PUM2: variants seen among roughly 807,000 people sequenced by gnomAD.
The protein encoded by PUM2 is pumilio RNA binding family member 2.
Under a neutral mutation model 124.5 loss-of-function variants are expected in PUM2, and 57 were observed. That is an observed-to-expected ratio of 0.46 (90% CI 0.37 to 0.57). The LOEUF (loss-of-function observed/expected upper bound fraction) is 0.57. PUM2 is among the 20% of genes least tolerant of loss of function. The pLI, the probability that PUM2 is intolerant of heterozygous loss-of-function variation, is 0.00. For missense variants in PUM2, 1,065 were observed against 1,290.6 expected, an observed-to-expected ratio of 0.83 and a Z score of 2.68; for synonymous variants, 460 against 446.1, an observed-to-expected ratio of 1.03 and a Z score of -0.39.
At chr2:20,319,999 G>A (rs1222324744) in intron 2 of PUM2, among the ~76,000 whole-genome samples, 2 of 152,164 alleles carry the variant, frequency 1.3e-5, no homozygotes, top group Admixed American at 6.5e-5. Context: ...CAGGAGAGGT[G>A]GCTCACACCT....
At chr2:20,307,695 T>G (rs1035917291) in intron 7 of PUM2, among the ~76,000 whole-genome samples, 1 of 152,190 alleles carries the variant, frequency 6.6e-6, no homozygotes, top group Non-Finnish European at 1.5e-5. Context: ...ACAAGTAAAT[T>G]TGAATTTCCA....
intron 7 of PUM2, among the ~76,000 whole-genome samples, chr2:20,306,431 C>G (rs761389953): frequency 6.6e-6 from 1 of 151,814 alleles, no homozygotes; most frequent in African/African-American, 2.4e-5. Context: ...TATAAAGCCT[C>G]GAGAAATAAA....
chr2:20,297,048 T>C (rs777773909), intron 8 of PUM2, among the ~76,000 whole-genome samples: 1 of 152,184 alleles, frequency 6.6e-6, no homozygotes, highest in Non-Finnish European at 1.5e-5. Context: ...GGGCAGTTTT[T>C]AGTACGTTCT....
At chr2:20,332,608 TG>T (rs1378384394) in intron 1 of PUM2, among the ~76,000 whole-genome samples, 1 of 152,178 alleles carries the variant, frequency 6.6e-6, no homozygotes, top group African/African-American at 2.4e-5. Flanking sequence ...GGGAGACAGT[TG>T]CCCATATGCT....
intron 1 of PUM2, among the ~76,000 whole-genome samples, chr2:20,342,091 T>C (rs1312880777): frequency 2.9e-5 from 4 of 137,786 alleles, no homozygotes; most frequent in African/African-American, 5.5e-5. Context: ...ATTGCGCCAC[T>C]ACACTCCAGC....
intron 7 of PUM2, among the ~76,000 whole-genome samples, chr2:20,300,376 C>A (rs749275872): frequency 1.8e-4 from 27 of 152,084 alleles, no homozygotes; most frequent in Non-Finnish European, 3.8e-4. Flanking sequence ...TGTGAACTCC[C>A]GACCTCAGGT....
At chr2:20,348,709 C>T (rs1244497526) in intron 1 of PUM2, among the ~76,000 whole-genome samples, 5 of 152,072 alleles carry the variant, frequency 3.3e-5, no homozygotes, top group African/African-American at 4.8e-5. Flanking sequence ...GCGGGAGGAT[C>T]GCTTGAGATC....
At chr2:20,331,986 T>C (rs1685019443) in intron 1 of PUM2, 3 of 152,342 alleles carry the variant, frequency 2.0e-5, no homozygotes, top group Admixed American at 6.5e-5. Context: ...CCAATAAAAC[T>C]TGATAAACTG....
At chr2:20,261,713 G>GC (rs1196226898) in intron 14 of PUM2, among the ~76,000 whole-genome samples, 1 of 152,090 alleles carries the variant, frequency 6.6e-6, no homozygotes, top group Non-Finnish European at 1.5e-5. Context: ...GCTAATGTGT[G>GC]CATTTGTGTC....
intron 9 of PUM2, among the ~76,000 whole-genome samples, chr2:20,294,095 C>T (rs1320725665): frequency 6.6e-6 from 1 of 152,150 alleles, no homozygotes; most frequent in African/African-American, 2.4e-5. Context: ...ATTATTAACA[C>T]ACTAACATGA....
intron 13 of PUM2, among the ~76,000 whole-genome samples, chr2:20,268,561 T>C (rs771093546): frequency 1.3e-5 from 2 of 152,104 alleles, no homozygotes; most frequent in Non-Finnish European, 2.9e-5. Context: ...AAGGTTACAG[T>C]GAGCAGAGAC....
At chr2:20,344,949 C>T (rs1687931247) in intron 1 of PUM2, among the ~76,000 whole-genome samples, 1 of 142,340 alleles carries the variant, frequency 7.0e-6, no homozygotes, top group African/African-American at 2.7e-5. Context: ...TGCCACTGCA[C>T]TCCAGCCAGA....
At chr2:20,258,073 T>G (rs979852592) in intron 16 of PUM2, among the ~76,000 whole-genome samples, 170 bp downstream of exon 16, 3 of 152,224 alleles carry the variant, frequency 2.0e-5, no homozygotes, top group Non-Finnish European at 2.9e-5. Context: ...ATTATCTACT[T>G]TGTGACTTCT....
At chr2:20,302,994 G>A (rs987072602) in intron 7 of PUM2, among the ~76,000 whole-genome samples, 1 of 152,162 alleles carries the variant, frequency 6.6e-6, no homozygotes, top group African/African-American at 2.4e-5. Context: ...TGAAGAGATA[G>A]CTGTGCATGC....
rs145036518 is a variant in PUM2, at chr2:20,250,329, A to T, written c.*1256T>A. The T allele has an allele frequency of 7.5e-4, 114 of 152,666 alleles. No homozygotes were observed. Among genetic ancestry groups the T allele is most frequent in the Non-Finnish European group, 1.4e-3 (95 of 68,006 alleles). The allele number at this position is 152,666 out of a possible 1,614,324, so 9.5% of individuals were successfully genotyped here. ...AAAATCACTCTCGATTTGGAGAAAT[A>T]AATTTACATTATACAACACTATATT... On this transcript the variant is annotated 3_prime_UTR_variant, in exon 21 of 21. Transcript: ENST00000361078.
At chr2:20,254,735 G>A (rs1690681938) in intron 19 of PUM2, 128 bp downstream of exon 19, 1 of 980,676 alleles carries the variant, frequency 1.0e-6, no homozygotes, top group South Asian at 1.9e-5. Context: ...TTCTATAGGT[G>A]CATTTTAATG....
At position 20,328,320 on chromosome 2, in the gene PUM2, ACT is replaced by A. The variant is rs151307637; in HGVS notation, c.-18-944_-18-943del. ...ACTCCAGCCTGGGCATCGCAGAGAG[ACT>A]CTGTCTCAAAACAAACAAACAAAAA... On this transcript the variant is annotated intron_variant, in intron 1 of 20. Coordinates refer to ENST00000361078, the MANE Select transcript of PUM2 (RefSeq NM_015317.5). 5.3e-3 allele frequency among the ~76,000 whole-genome samples: 809 copies of A among 152,204 alleles called. 14 individuals carry two copies. The highest frequency in any genetic ancestry group is 0.018 in the African/African-American group (766 of 41,506).
chr2:20,280,946 T>C (rs1012897559), intron 12 of PUM2, among the ~76,000 whole-genome samples: 1 of 152,206 alleles, frequency 6.6e-6, no homozygotes, highest in East Asian at 1.9e-4. Context: ...TATTTAACAC[T>C]GTTAAACATT....
rs754320512 is a variant in PUM2 at position 20,327,326 on chromosome 2, G to A, written c.35C>T (p.Ser12Phe). ...AACATTTACCTCTCCCATTCCCCGAGATTCTAATGCAAGAGCTTGAAAATC... is the reference window on the plus strand; with the variant it reads ...AACATTTACCTCTCCCATTCCCCGAAATTCTAATGCAAGAGCTTGAAAATC... Reference protein sequence around the residue: ...NHDFQALALESRGMGELLPTK... With the variant: ...NHDFQALALEFRGMGELLPTK... The change falls in exon 2 of 21, where the codon TCT (serine) becomes TTT (phenylalanine). Residue 12 changes from serine to phenylalanine, a missense_variant. Ser to Phe is a radical substitution (Grantham distance 155). Transcript: ENST00000361078. 2 of 1,574,646 alleles carry A rather than the reference G, an allele frequency of 1.3e-6. No homozygotes were observed. The highest frequency in any genetic ancestry group is 1.7e-6 in the Non-Finnish European group (2 of 1,145,892).
Sources: allele counts gnomAD v4.1 joint callset (sites outside exome capture counted in the v4.1 genomes callset), GRCh38; gene constraint gnomAD v4.1.1; transcripts MANE v1.5; gene names NCBI Gene and HGNC (gene_info 2026-07-23, HGNC 2026-07-21).